The following EIF2AK4 variants were observed in gnomAD, a reference collection of about 807,000 sequenced individuals.
EIF2AK4 encodes the protein eukaryotic translation initiation factor 2 alpha kinase 4.
A neutral mutation model predicts 211.1 loss-of-function variants in EIF2AK4; 139 were observed. The ratio of observed to expected loss-of-function variants is 0.66; its 90% CI spans 0.57 to 0.76. The LOEUF (loss-of-function observed/expected upper bound fraction) is 0.76. EIF2AK4 is among the 30% of genes least tolerant of loss of function. EIF2AK4 has a pLI of 0.00. For missense variants in EIF2AK4, 1,664 were observed against 2,043.8 expected (o/e 0.81, Z 3.58); for synonymous variants, 710 against 751.3 (o/e 0.94, Z 0.90).
chr15:39,985,236 C>T (rs906368214), intron 13 of EIF2AK4, among the ~76,000 whole-genome samples: 1 of 152,130 alleles, frequency 6.6e-6, no homozygotes, highest in Admixed American at 6.6e-5. Flanking sequence ...TTTTAATGTG[C>T]TGCTGGATTC....
At chr15:39,994,987 G>T (rs1337288516) in intron 18 of EIF2AK4, among the ~76,000 whole-genome samples, 1 of 151,942 alleles carries the variant, frequency 6.6e-6, no homozygotes, top group Non-Finnish European at 1.5e-5. Context: ...GATTACAGAC[G>T]CCTGCCACCA....
chr15:40,002,423 T>G, intron 21 of EIF2AK4: 2 of 337,726 alleles, frequency 5.9e-6, no homozygotes, highest in South Asian at 4.6e-5. Flanking sequence ...AGAATGTGTT[T>G]ATTTGATTAT....
At chr15:39,958,942 G>T (rs1424780062) in intron 6 of EIF2AK4, among the ~76,000 whole-genome samples, 1 of 150,908 alleles carries the variant, frequency 6.6e-6, no homozygotes, top group Non-Finnish European at 1.5e-5. Context: ...CTTTTTTCAG[G>T]TATCAAGCTC....
rs1262664691 is a variant in EIF2AK4 at position 39,969,986 on chromosome 15, C to T, written c.1553+2107C>T. 3.3e-5 allele frequency among the ~76,000 whole-genome samples: 5 copies of T among 152,122 alleles called. No homozygotes were observed. The South Asian group carries it at 6.2e-4, about 19-fold the overall frequency. On this transcript the variant is annotated intron_variant, in intron 9 of 38. Coordinates refer to ENST00000263791, the MANE Select transcript of EIF2AK4 (RefSeq NM_001013703.4). Reference sequence around the variant, plus strand: ...TGTCCTACTGGCTGAGTGAATTAACCCCCTGCCCTGCGTTTCCTCCTCTGT... The same window carrying T: ...TGTCCTACTGGCTGAGTGAATTAACTCCCTGCCCTGCGTTTCCTCCTCTGT...
At chr15:39,988,551 G>T (rs965195471) in intron 15 of EIF2AK4, among the ~76,000 whole-genome samples, 1 of 152,038 alleles carries the variant, frequency 6.6e-6, no homozygotes, top group African/African-American at 2.4e-5. Flanking sequence ...GCCTATGGCT[G>T]TTTTTTTTCC....
chr15:39,934,145 G>T lies in EIF2AK4; in HGVS notation c.-51G>T, dbSNP rs1224736150. On this transcript the variant is annotated 5_prime_UTR_variant, in exon 1 of 39. Transcript: ENST00000263791. ...GGAGCCCCGCCCCGCAGGCTGCCGG[G>T]GGCCCACCGCCGCCCAGGCAAGGCC... The T allele has an allele frequency of 4.8e-6, 6 of 1,257,388 alleles. No homozygotes were observed. Among genetic ancestry groups the T allele is most frequent in the Non-Finnish European group, 6.0e-6 (6 of 1,006,688 alleles). The allele number at this position is 1,257,388 out of a possible 1,614,324, so 77.9% of individuals were successfully genotyped here. A position where few individuals can be genotyped will look rare whatever the true frequency, so the allele number is the denominator to read the frequency against.
At chr15:40,018,121 TCAAA>T (rs916935463) in intron 29 of EIF2AK4, among the ~76,000 whole-genome samples, 3 of 152,092 alleles carry the variant, frequency 2.0e-5, no homozygotes, top group African/African-American at 7.2e-5. Flanking sequence ...GAGATCCACA[TCAAA>T]CAGTGTTAAA....
chr15:40,030,481 G>T, intron 35 of EIF2AK4, 25 bp downstream of exon 35: 1 of 1,594,888 alleles, frequency 6.3e-7, no homozygotes, highest in Non-Finnish European at 8.6e-7. Context: ...GGTTTCTTTG[G>T]CTTTCTAATA....
chr15:39,996,723 A>G (rs2035023214), intron 18 of EIF2AK4, among the ~76,000 whole-genome samples: 2 of 152,160 alleles, frequency 1.3e-5, no homozygotes, highest in Non-Finnish European at 2.9e-5. Context: ...AAAAGAAAAA[A>G]AATTTCTAGG....
chr15:39,982,171 G>A (rs770380332), intron 13 of EIF2AK4, among the ~76,000 whole-genome samples: 16 of 152,068 alleles, frequency 1.1e-4, no homozygotes, highest in Admixed American at 5.9e-4. Context: ...TGATCCGCCC[G>A]CCTCGGCCTC....
intron 34 of EIF2AK4, among the ~76,000 whole-genome samples, 183 bp from the exon 35 acceptor site, chr15:40,030,176 G>A (rs2035520807): frequency 6.6e-6 from 1 of 152,168 alleles, no homozygotes; most frequent in African/African-American, 2.4e-5. Context: ...TGGGTGTTGG[G>A]GTTCTGGGCT....
In EIF2AK4 at chr15:39,955,921, G is replaced by A. The variant is rs8030025; in HGVS notation, c.743+153G>A. Among the ~76,000 whole-genome samples the A allele has an allele frequency of 0.34, 52,025 of 151,318 alleles. 8,986 individuals are homozygous for A. The highest frequency in any genetic ancestry group is 0.37 in the African/African-American group (15,057 of 41,184). ...ATCTTAATATATTAGCAATATATTA[G>A]GTGTATTTTTAGCAATATGAAACTA... On this transcript the variant is annotated intron_variant, in intron 6 of 38. Transcript: ENST00000263791.
chr15:39,962,587 T>G (rs1477131346), intron 7 of EIF2AK4, among the ~76,000 whole-genome samples: 4 of 152,202 alleles, frequency 2.6e-5, no homozygotes, highest in African/African-American at 4.8e-5. Flanking sequence ...GCCTCCTGAA[T>G]AGCTAGGACT....
At position 39,952,309 on chromosome 15, in the gene EIF2AK4, G is replaced by A. The variant is rs1298252752; in HGVS notation, c.514-1595G>A. ...GATTTTTTTTCTTTTTTTTTTTTTT[G>A]AGACAGCATCGTGCTCTGTCGCCCA... On this transcript the variant is annotated intron_variant, in intron 4 of 38. Transcript: ENST00000263791. Among the ~76,000 whole-genome samples the A allele has an allele frequency of 4.9e-4, 48 of 97,924 alleles. 1 individual carries two copies. Among genetic ancestry groups the A allele is most frequent in the Middle Eastern group, 0.013 (2 of 152 alleles). 64.2% of individuals were successfully genotyped at this position (97,924 alleles called of 152,430 possible). A position where few individuals can be genotyped will look rare whatever the true frequency, so the allele number is the denominator to read the frequency against.
At chr15:40,013,685 G>A (rs945049323) in intron 27 of EIF2AK4, among the ~76,000 whole-genome samples, 19 of 152,156 alleles carry the variant, frequency 1.2e-4, no homozygotes, top group African/African-American at 3.9e-4. Flanking sequence ...CCGCCCCCAC[G>A]ATTCAATTAC....
Position 39,967,335 on chromosome 15 carries a change from AC to A in EIF2AK4, c.1018-8del. The A allele has an allele frequency of 6.9e-7, 1 of 1,444,796 alleles. No individual in the cohort carries two copies. Among genetic ancestry groups the A allele is most frequent in the South Asian group, 1.3e-5 (1 of 74,362 alleles). 89.5% of individuals were successfully genotyped at this position (1,444,796 alleles called of 1,614,324 possible). ...CCAATATTCTTTTTTTTTTTTTTTA[AC>A]TTATCAGATTCAAGGAACAGAAACA... On this transcript the variant is annotated splice_region_variant and splice_polypyrimidine_tract_variant and intron_variant, in intron 8 of 38. Transcript: ENST00000263791.
chr15:39,973,046 C>T (rs746177992), intron 10 of EIF2AK4, 32 bp downstream of exon 10: 50 of 1,556,558 alleles, frequency 3.2e-5, no homozygotes, highest in Non-Finnish European at 3.6e-5. Context: ...ATTTGGTAAC[C>T]TGTTTGACAT....
At position 40,020,880 on chromosome 15, in the gene EIF2AK4, C is replaced by T. The variant is rs951931639; in HGVS notation, c.4174-19C>T. On this transcript the variant is annotated intron_variant, in intron 30 of 38. Coordinates refer to ENST00000263791, the MANE Select transcript of EIF2AK4 (RefSeq NM_001013703.4). ...GCAGTCTTGCTCCTCTAACTGTAAC[C>T]GGTCTGTTTCTGATCCAGGTTACAA... 15 of 1,600,046 alleles carry T rather than the reference C, an allele frequency of 9.4e-6. No individual in the cohort carries two copies. In the Admixed American group the frequency reaches 1.4e-4, roughly 14 times the overall value.
intron 32 of EIF2AK4, 99 bp from the exon 33 acceptor site, chr15:40,025,878 G>C: frequency 8.5e-7 from 1 of 1,178,506 alleles, no homozygotes; most frequent in Non-Finnish European, 1.2e-6. Flanking sequence ...AAGAACCACT[G>C]ACCCAAACTA....
Sources: allele counts gnomAD v4.1 joint callset (sites outside exome capture counted in the v4.1 genomes callset), GRCh38; gene constraint gnomAD v4.1.1; transcripts MANE v1.5; gene names NCBI Gene and HGNC (gene_info 2026-07-23, HGNC 2026-07-21).